Variants in TOX3 observed in about 807,000 individuals in gnomAD.
TOX3 encodes the protein CAG trinucleotide repeat-containing gene F9 protein.
Under a neutral mutation model 64.3 loss-of-function variants are expected in TOX3, and 22 were observed. The observed-to-expected ratio is 0.34, with a 90% confidence interval of 0.24 to 0.49. The LOEUF (loss-of-function observed/expected upper bound fraction) is 0.49, where lower values mean the gene tolerates loss of function less well. Ranked by LOEUF, TOX3 falls within the 20% of genes least tolerant of loss-of-function variation. The pLI is 0.99. For missense variants in TOX3, 661 were observed against 714.4 expected, an observed-to-expected ratio of 0.93 and a Z score of 0.85; for synonymous variants, 291 against 273.6, an observed-to-expected ratio of 1.06 and a Z score of -0.63.
At chr16:52,460,194 T>C (rs570159400) in intron 3 of TOX3, among the ~76,000 whole-genome samples, 1 of 152,296 alleles carries the variant, frequency 6.6e-6, no homozygotes, top group South Asian at 2.1e-4. Context: ...AGAGCACCAC[T>C]ATAGCATTTT....
chr16:52,486,539 C>CA (rs1202243636), intron 1 of TOX3, among the ~76,000 whole-genome samples: 1 of 151,782 alleles, frequency 6.6e-6, no homozygotes, highest in African/African-American at 2.4e-5. Flanking sequence ...AGAACCATAT[C>CA]AAAAAAAATT....
intron 1 of TOX3, among the ~76,000 whole-genome samples, chr16:52,476,770 T>C (rs146290275): frequency 6.6e-6 from 1 of 152,204 alleles, no homozygotes; most frequent in African/African-American, 2.4e-5. Context: ...ATATATTTAG[T>C]GGAATATATT....
intron 6 of TOX3, among the ~76,000 whole-genome samples, chr16:52,442,033 GA>G (rs915260800): frequency 5.3e-5 from 8 of 152,210 alleles, no homozygotes; most frequent in South Asian, 2.1e-4. Context: ...CTGTCTTAAA[GA>G]AAAAAACACA....
chr16:52,494,772 C>A (rs1313343250), intron 1 of TOX3, among the ~76,000 whole-genome samples: 1 of 152,332 alleles, frequency 6.6e-6, no homozygotes, highest in Admixed American at 6.5e-5. Context: ...ACTCTTACAT[C>A]AGATGCAAAA....
intron 2 of TOX3, among the ~76,000 whole-genome samples, chr16:52,464,891 G>A (rs1380267054): frequency 6.6e-6 from 1 of 150,682 alleles, no homozygotes; most frequent in Non-Finnish European, 1.5e-5. Context: ...ACTTTTTAAA[G>A]ATGATCTAGA....
chr16:52,496,576 A>C (rs1387862640), intron 1 of TOX3, among the ~76,000 whole-genome samples: 1 of 152,230 alleles, frequency 6.6e-6, no homozygotes, highest in Non-Finnish European at 1.5e-5. Flanking sequence ...AGGCTAAGTA[A>C]ATGTTCAGCG....
chr16:52,451,870 C>T (rs1391614920), intron 3 of TOX3, among the ~76,000 whole-genome samples: 1 of 152,144 alleles, frequency 6.6e-6, no homozygotes, highest in Non-Finnish European at 1.5e-5. Context: ...TCAATTTCAG[C>T]TCTCTTGACA....
intron 1 of TOX3, among the ~76,000 whole-genome samples, chr16:52,524,029 A>T (rs1378988474): frequency 1.3e-5 from 2 of 152,322 alleles, no homozygotes; most frequent in South Asian, 4.1e-4. Flanking sequence ...GATCTGTAAC[A>T]TTATTCATGA....
chr16:52,547,258 C>T (rs1271505591), upstream of TOX3: 1 of 144,658 alleles, frequency 6.9e-6, no homozygotes, highest in East Asian at 2.1e-4. Flanking sequence ...CCGCCCGCCC[C>T]GCCGGTGCGC....
chr16:52,492,998 T>C (rs1270564022), intron 1 of TOX3, among the ~76,000 whole-genome samples: 1 of 152,052 alleles, frequency 6.6e-6, no homozygotes, highest in Non-Finnish European at 1.5e-5. Flanking sequence ...CCTTTATACT[T>C]ACAAGTGAAA....
chr16:52,465,694 C>A (rs1960844880), intron 2 of TOX3, among the ~76,000 whole-genome samples: 1 of 151,296 alleles, frequency 6.6e-6, no homozygotes. Flanking sequence ...ATGTAATGAC[C>A]ACTTGAGGGA....
chr16:52,469,592 C>A (rs770209924), intron 1 of TOX3, among the ~76,000 whole-genome samples: 2 of 152,064 alleles, frequency 1.3e-5, no homozygotes, highest in Non-Finnish European at 2.9e-5. Context: ...ATGTGTATAT[C>A]TATTCTCTAA....
At chr16:52,444,474 C>A in intron 5 of TOX3, 118 bp from the exon 6 acceptor site, 1 of 686,994 alleles carries the variant, frequency 1.5e-6, no homozygotes, top group Non-Finnish European at 2.3e-6. Context: ...GTCTCCTTGG[C>A]TTTGATTTTT....
chr16:52,522,156 C>A (rs1331589811), intron 1 of TOX3, among the ~76,000 whole-genome samples: 1 of 151,954 alleles, frequency 6.6e-6, no homozygotes, highest in Non-Finnish European at 1.5e-5. Context: ...CCTTTACTTA[C>A]AGCTAAATAA....
intron 1 of TOX3, among the ~76,000 whole-genome samples, chr16:52,545,889 T>C (rs1364256396): frequency 6.6e-6 from 1 of 152,080 alleles, no homozygotes; most frequent in Non-Finnish European, 1.5e-5. Context: ...GAACGCTCGG[T>C]CCTCGAAGTT....
At chr16:52,515,042 C>G (rs1297969762) in intron 1 of TOX3, among the ~76,000 whole-genome samples, 1 of 108,406 alleles carries the variant, frequency 9.2e-6, no homozygotes, top group East Asian at 2.6e-4. Context: ...AAAAAAAGGA[C>G]CCAAGAGAAT....
chr16:52,520,263 G>A (rs1174156554), intron 1 of TOX3, among the ~76,000 whole-genome samples: 1 of 152,250 alleles, frequency 6.6e-6, no homozygotes, highest in Non-Finnish European at 1.5e-5. Flanking sequence ...AATTTATTAT[G>A]CTATAATTTT....
intron 3 of TOX3, among the ~76,000 whole-genome samples, chr16:52,453,724 A>T (rs1477840225): frequency 6.6e-6 from 1 of 152,140 alleles, no homozygotes; most frequent in Non-Finnish European, 1.5e-5. Flanking sequence ...TAGGTGCTCG[A>T]TTGACTCACC....
At position 52,513,178 on chromosome 16, in the gene TOX3, G is replaced by T. The variant is rs1962356582; in HGVS notation, c.87+33459C>A. Among the ~76,000 whole-genome samples, 4 of 152,176 alleles carry T rather than the reference G, an allele frequency of 2.6e-5. 1 individual carries two copies. The South Asian group carries it at 6.2e-4, about 24-fold the overall frequency. ...CCTTACTCAAAGAACAATATTAAGG[G>T]CATAGGCTGTAGAAAAGGCAACTGG... On this transcript the variant is annotated intron_variant, in intron 1 of 6. Transcript: ENST00000219746.
Sources: gnomAD v4.1 joint callset for allele counts (sites outside exome capture counted in the v4.1 genomes callset) on GRCh38, gnomAD v4.1.1 for gene constraint, MANE v1.5 for transcripts, NCBI Gene and HGNC (gene_info 2026-07-23, HGNC 2026-07-21) for gene names.